Variants in NCAN observed in about 807,000 individuals in gnomAD.
NCAN encodes neurocan.
NCAN carries 47 observed loss-of-function variants against 121.8 expected under a neutral mutation model. That is an observed-to-expected ratio of 0.39 (90% CI 0.31 to 0.49). The LOEUF (loss-of-function observed/expected upper bound fraction) is 0.49. Among genes scored for constraint, NCAN ranks in the 20% least tolerant of loss-of-function variants. The pLI is 0.92. For synonymous variants in NCAN, 633 were observed against 702.0 expected, an observed-to-expected ratio of 0.90 and a Z score of 1.55; for missense variants, 1,517 against 1,773.4, an observed-to-expected ratio of 0.86 and a Z score of 2.60.
At chr19:19,242,480 G>C (rs532116012) in intron 12 of NCAN, among the ~76,000 whole-genome samples, 2 of 151,650 alleles carry the variant, frequency 1.3e-5, no homozygotes, top group Non-Finnish European at 2.9e-5. Flanking sequence ...ACCTGAGGTC[G>C]GGAGTTCAAG....
chr19:19,236,908 T>A (rs919888594), intron 10 of NCAN, among the ~76,000 whole-genome samples: 21 of 152,084 alleles, frequency 1.4e-4, no homozygotes, highest in Admixed American at 2.6e-4. Flanking sequence ...TTTATTTTTT[T>A]AATTTCTTTT....
At position 19,228,115 on chromosome 19, in the gene NCAN, C is replaced by T; in HGVS notation, c.2495C>T (p.Thr832Ile). ...CCCACTGTGAATCCCATGGATTCCA[C>T]AGTCACGCCGGCCCCCAGTGATGCT... ...EGPTVNPMDS[T>I]VTPAPSDASG... is the part of the protein sequence containing the mutation. Residue 832 changes from threonine to isoleucine, a missense_variant, in exon 8 of 15, where the codon ACA (threonine) becomes ATA (isoleucine). Thr to Ile is a moderately conservative substitution (Grantham distance 89). Transcript: ENST00000252575. 3.7e-6 allele frequency: 6 copies of T among 1,613,684 alleles called. 1 individual carries two copies. Among genetic ancestry groups the T allele is most frequent in the South Asian group, 1.1e-5 (1 of 91,076 alleles).
In NCAN at chr19:19,235,077, G is replaced by A; in HGVS notation, c.3231G>A (p.Gly1077=). Residue 1077 remains glycine, a synonymous_variant, in exon 10 of 15, where the codon GGG becomes GGA. Transcript: ENST00000252575. ...GFVCLCLPSY[G]GSFCEKDTEG... ...TCTGCCTTTGCCTCCCCAGCTATGG[G>A]GGCAGCTTTTGTGAGAAAGGTGAGT... 1 of 1,612,264 alleles carries A rather than the reference G, an allele frequency of 6.2e-7. No homozygotes were observed. Among genetic ancestry groups the A allele is most frequent in the Non-Finnish European group, 8.5e-7 (1 of 1,178,800 alleles).
In NCAN at chr19:19,225,430, C is replaced by T. The variant is rs922695861; in HGVS notation, c.1072+160C>T. 6.6e-6 allele frequency among the ~76,000 whole-genome samples: 1 copy of T among 152,220 alleles called. No homozygotes were observed. Among genetic ancestry groups the T allele is most frequent in the African/African-American group, 2.4e-5 (1 of 41,468 alleles). On this transcript the variant is annotated intron_variant, in intron 6 of 14. Transcript: ENST00000252575. This position sits in a 1 kb window ranked among gnomAD's most constrained non-coding sequence, Gnocchi z 4.0. ...CCACGCCCCCGGGTGAAGGCCACAC[C>T]CGTTACGACAAGTCTTTCCCTAGGA...
chr19:19,223,818 C>T (rs961864468), intron 3 of NCAN, among the ~76,000 whole-genome samples: 2 of 152,066 alleles, frequency 1.3e-5, no homozygotes, highest in Non-Finnish European at 2.9e-5. Context: ...AACTTGTAAC[C>T]CTTTATGGCC....
intron 10 of NCAN, 30 bp from the exon 11 acceptor site, chr19:19,238,223 C>G (rs748386628): frequency 2.5e-6 from 4 of 1,613,286 alleles, no homozygotes; most frequent in African/African-American, 1.3e-5. Context: ...CAAGGCCAGC[C>G]CCCCCTCACG....
At chr19:19,216,578 A>C (rs2060796915) in intron 1 of NCAN, among the ~76,000 whole-genome samples, 1 of 151,778 alleles carries the variant, frequency 6.6e-6, no homozygotes, top group Non-Finnish European at 1.5e-5. Flanking sequence ...CCAAAGTGCT[A>C]GGATTACAGG....
Position 19,251,892 on chromosome 19 carries a change from C to A in NCAN, c.*1981C>A, listed in dbSNP as rs999103212. On this transcript the variant is annotated 3_prime_UTR_variant, in exon 15 of 15. Transcript: ENST00000252575. ...TCACACAAAAATTTTCCTTTGTTTG[C>A]GGGGGGCTGGGGATGCAGTGTTTTT... 1 of 147,604 alleles carries A rather than the reference C, an allele frequency of 6.8e-6. No homozygotes were observed. The highest frequency in any genetic ancestry group is 1.5e-5 in the Non-Finnish European group (1 of 67,152). 9.1% of individuals were successfully genotyped at this position (147,604 alleles called of 1,614,324 possible).
rs757967232 is a variant in NCAN, at chr19:19,226,711, C to T, written c.1298C>T (p.Pro433Leu). Residue 433 changes from proline (P) to leucine (L), a missense_variant, in exon 7 of 15, where the codon CCT (proline) becomes CTT (leucine). Physicochemically the swap from Pro to Leu is moderately conservative, Grantham distance 98. Coordinates refer to ENST00000252575, the MANE Select transcript of NCAN (RefSeq NM_004386.3). ...TCTCAACAGACCCTCAGCCCTACCC[C>T]TGGGGACCCCATGCTGGCCTCATGG... ...QESQQTLSPT[P>L]GDPMLASWPT... 1.2e-6 allele frequency: 2 copies of T among 1,612,490 alleles called. No homozygotes were observed. The highest frequency in any genetic ancestry group is 8.5e-7 in the Non-Finnish European group (1 of 1,178,958).
intron 3 of NCAN, among the ~76,000 whole-genome samples, chr19:19,221,177 G>C (rs942528058): frequency 4.0e-5 from 6 of 151,718 alleles, no homozygotes; most frequent in Non-Finnish European, 7.4e-5. Flanking sequence ...AGAGATCGAG[G>C]CTGCAGCGAG....
chr19:19,238,284 G>A lies in NCAN; in HGVS notation c.3282G>A (p.Lys1094=), dbSNP rs201709408. The A allele has an allele frequency of 1.4e-5, 23 of 1,614,220 alleles. No homozygotes were observed. The East Asian group carries it at 4.5e-4, about 31-fold the overall frequency. Residue 1094 remains lysine, a synonymous_variant, in exon 11 of 15, where the codon AAG becomes AAA. Coordinates refer to ENST00000252575, the MANE Select transcript of NCAN (RefSeq NM_004386.3). ...AGGGCTGTGACCGCGGCTGGCATAA[G>A]TTCCAGGGCCACTGTTACCGCTATT... The part of the protein sequence containing the change: ...DTEGCDRGWH[K]FQGHCYRYFA...
chr19:19,221,450 C>A (rs1486430416), intron 3 of NCAN, among the ~76,000 whole-genome samples: 1 of 151,704 alleles, frequency 6.6e-6, no homozygotes, highest in African/African-American at 2.4e-5. Flanking sequence ...TTCCTGTAAC[C>A]CCAGCTACTC....
At chr19:19,214,517 A>C (rs140570516) in intron 1 of NCAN, among the ~76,000 whole-genome samples, 2 of 152,230 alleles carry the variant, frequency 1.3e-5, no homozygotes, top group African/African-American at 4.8e-5. Context: ...TAGCGTATAC[A>C]TGAGGCTTTG....
chr19:19,224,921 T>C (rs1014240392), intron 5 of NCAN, 56 bp from the exon 6 acceptor site: 14 of 1,342,630 alleles, frequency 1.0e-5, no homozygotes, highest in Admixed American at 3.6e-5. Flanking sequence ...ACCCACTTCC[T>C]GGGCTCCAGG....
At position 19,240,646 on chromosome 19, in the gene NCAN, C is replaced by T. The variant is rs780885539; in HGVS notation, c.3453C>T (p.Ile1151=). The change falls in exon 12 of 15, where the codon ATC becomes ATT. Residue 1151 remains isoleucine, a synonymous_variant. Transcript: ENST00000252575. ...ENTWIGLNDR[I]VERDFQWTDN... is the part of the protein sequence containing the mutation. ...CGTGGATCGGCCTGAACGACAGGAT[C>T]GTGGAGAGAGATTTCCAGTGGACGG... The T allele has an allele frequency of 4.3e-6, 7 of 1,614,052 alleles. 1 individual carries two copies. In the Middle Eastern group the frequency reaches 8.2e-4, roughly 190 times the overall value.
At position 19,227,848 on chromosome 19, in the gene NCAN, C is replaced by T. The variant is rs146560801; in HGVS notation, c.2228C>T (p.Thr743Ile). The T allele has an allele frequency of 3.2e-5, 52 of 1,613,704 alleles. No individual in the cohort carries two copies. The African/African-American group carries it at 6.1e-4, about 19-fold the overall frequency. ...GCTGTAGGTTTTGTCCCCACTGAGACTGCCACTGAGCCAACGGGCCTCAGG... is the reference window on the plus strand; with the variant it reads ...GCTGTAGGTTTTGTCCCCACTGAGATTGCCACTGAGCCAACGGGCCTCAGG... ...NVAVGFVPTE[T>I]ATEPTGLRGI... Residue 743 changes from threonine (T) to isoleucine (I), a missense_variant, in exon 8 of 15, where the codon ACT becomes ATT. By Grantham distance (89) the Thr-to-Ile change is moderately conservative (BLOSUM62 -1). Coordinates refer to ENST00000252575, the MANE Select transcript of NCAN (RefSeq NM_004386.3). The surrounding 1 kb of genome is among the most constrained non-coding windows in gnomAD (Gnocchi z 4.2).
intron 6 of NCAN, among the ~76,000 whole-genome samples, chr19:19,226,166 G>A (rs573443854): frequency 2.6e-5 from 4 of 152,216 alleles, no homozygotes; most frequent in East Asian, 3.9e-4. Flanking sequence ...CTGACCTCAA[G>A]TGATCCACCC....
chr19:19,223,896 CTG>C, intron 3 of NCAN, 123 bp from the exon 4 acceptor site: 1 of 962,950 alleles, frequency 1.0e-6, no homozygotes, highest in Non-Finnish European at 1.4e-6. Context: ...TCGACCCACA[CTG>C]TGCCTGGCGC....
At chr19:19,217,644 G>A (rs1240548125) in intron 2 of NCAN, among the ~76,000 whole-genome samples, 1 of 152,182 alleles carries the variant, frequency 6.6e-6, no homozygotes, top group Non-Finnish European at 1.5e-5. Context: ...CTCTCCCAGG[G>A]CCATACAGTG....
Sources: allele counts gnomAD v4.1 joint callset (sites outside exome capture counted in the v4.1 genomes callset), GRCh38; gene constraint gnomAD v4.1.1; non-coding constraint Gnocchi (gnomAD v3.1); transcripts MANE v1.5; gene names NCBI Gene and HGNC (gene_info 2026-07-23, HGNC 2026-07-21).